Variants in SLC35D1 observed in about 807,000 individuals in gnomAD.
The protein encoded by SLC35D1 is solute carrier family 35 member D1, also known as nucleotide sugar transporter SLC35D1.
SLC35D1 carries 31 observed loss-of-function variants against 46.7 expected under a neutral mutation model. That is an observed-to-expected ratio of 0.66 (90% CI 0.50 to 0.90). The LOEUF (loss-of-function observed/expected upper bound fraction) is 0.90. Ranked by LOEUF, SLC35D1 falls within the 40% of genes least tolerant of loss-of-function variation. SLC35D1 has a pLI of 0.00. For missense variants in SLC35D1, 397 were observed against 426.2 expected, an observed-to-expected ratio of 0.93 and a Z score of 0.60; for synonymous variants, 195 against 164.6, an observed-to-expected ratio of 1.18 and a Z score of -1.41.
chr1:67,017,906 T>G (rs575006832), intron 10 of SLC35D1, among the ~76,000 whole-genome samples: 77 of 152,324 alleles, frequency 5.1e-4, no homozygotes, highest in African/African-American at 1.8e-3. Flanking sequence ...TTTCACTTCT[T>G]TGTCTATCTC....
At chr1:67,045,275 G>C (rs72673788) in intron 7 of SLC35D1, among the ~76,000 whole-genome samples, 14,717 of 152,158 alleles carry the variant, frequency 0.097, 756 homozygotes, top group African/African-American at 0.12. Context: ...ACTAGATTTA[G>C]GGCATCATCA....
intron 8 of SLC35D1, among the ~76,000 whole-genome samples, 198 bp from the exon 9 acceptor site, chr1:67,021,800 T>C (rs967084695): frequency 6.6e-6 from 1 of 151,872 alleles, no homozygotes; most frequent in African/African-American, 2.4e-5. Flanking sequence ...TAGAGAGTGA[T>C]GTTCAAAGAT....
At chr1:67,007,172 T>C (rs1667467468) in intron 11 of SLC35D1, among the ~76,000 whole-genome samples, 2 of 152,180 alleles carry the variant, frequency 1.3e-5, no homozygotes, top group Admixed American at 1.3e-4. Context: ...TCTTACTCCA[T>C]TTGGGTTGCT....
At chr1:66,988,156 C>T in the SLC35D1 span, 2 of 152,068 alleles carry the variant, frequency 1.3e-5, no homozygotes, top group African/African-American at 2.4e-5. Context: ...AAGGTTTTCC[C>T]AACTATAATC....
intron 10 of SLC35D1, among the ~76,000 whole-genome samples, chr1:67,016,128 G>A (rs1185554508): frequency 2.0e-5 from 3 of 151,908 alleles, no homozygotes; most frequent in Non-Finnish European, 2.9e-5. Context: ...ATATAAATGT[G>A]TTATTAATAT....
chr1:67,021,871 T>A (rs550915539), intron 8 of SLC35D1, among the ~76,000 whole-genome samples: 102 of 152,268 alleles, frequency 6.7e-4, no homozygotes, highest in African/African-American at 2.4e-3. Flanking sequence ...ATCCAAAATG[T>A]AACGTGGGGA....
intron 5 of SLC35D1, 83 bp from the exon 6 acceptor site, chr1:67,049,933 T>C: frequency 1.1e-6 from 1 of 946,024 alleles, no homozygotes; most frequent in Non-Finnish European, 1.7e-6. Context: ...TGGGATATGC[T>C]TTCTCAAAAG....
In SLC35D1 at chr1:67,047,318, C is replaced by T. The variant is rs750542739; in HGVS notation, c.583G>A (p.Asp195Asn). The change falls in exon 7 of 12, where the codon GAT becomes AAT. Residue 195 changes from aspartate to asparagine, a missense_variant. Coordinates refer to ENST00000235345, the MANE Select transcript of SLC35D1 (RefSeq NM_015139.3). ...LEGYAFILIN[D>N]VLTAANGAYV... ...GCACCATTTGCTGCTGTTAGGACAT[C>T]GTTTATCAGAATAAAAGCATATCCT... 2.5e-6 allele frequency: 4 copies of T among 1,613,374 alleles called. No homozygotes were observed. The highest frequency in any genetic ancestry group is 2.2e-5 in the East Asian group (1 of 44,822).
intron 8 of SLC35D1, among the ~76,000 whole-genome samples, chr1:67,036,501 C>T (rs1309833474): frequency 1.3e-5 from 2 of 152,038 alleles, no homozygotes; most frequent in Non-Finnish European, 2.9e-5. Context: ...TATCCTCTTG[C>T]TCAATTTACC....
the SLC35D1 span, among the ~76,000 whole-genome samples, chr1:66,975,898 G>A: frequency 1.3e-5 from 2 of 152,106 alleles, no homozygotes; most frequent in South Asian, 2.1e-4. Context: ...TTAAAGATAC[G>A]CTCCCTAGGT....
intron 10 of SLC35D1, among the ~76,000 whole-genome samples, chr1:67,019,634 ATGGCC>A (rs775057879): frequency 1.9e-4 from 29 of 152,222 alleles, no homozygotes; most frequent in Non-Finnish European, 2.8e-4. Context: ...CACAAGGGTA[ATGGCC>A]CTCTTTTCCC....
chr1:66,980,136 C>T, the SLC35D1 span, among the ~76,000 whole-genome samples: 1 of 152,348 alleles, frequency 6.6e-6, no homozygotes, highest in South Asian at 2.1e-4. Flanking sequence ...AATTCCTCAT[C>T]ATGTGTCTTC....
At chr1:66,973,320 C>A in the SLC35D1 span, among the ~76,000 whole-genome samples, 1 of 151,884 alleles carries the variant, frequency 6.6e-6, no homozygotes, top group Non-Finnish European at 1.5e-5. Flanking sequence ...TTATGGAGGG[C>A]CTTTGAAATG....
chr1:67,044,626 G>A (rs1329482540), intron 7 of SLC35D1, among the ~76,000 whole-genome samples: 1 of 152,130 alleles, frequency 6.6e-6, no homozygotes, highest in African/African-American at 2.4e-5. Context: ...GGAGATTTAT[G>A]TTTTCTTCCT....
At chr1:67,044,986 TCAC>T (rs1320231885) in intron 7 of SLC35D1, among the ~76,000 whole-genome samples, 2 of 151,940 alleles carry the variant, frequency 1.3e-5, no homozygotes, top group African/African-American at 4.8e-5. Context: ...TTGCTTATGG[TCAC>T]CACAAGCATC....
intron 8 of SLC35D1, among the ~76,000 whole-genome samples, chr1:67,039,312 T>C (rs1022975147): frequency 6.6e-6 from 1 of 152,196 alleles, no homozygotes; most frequent in Non-Finnish European, 1.5e-5. Flanking sequence ...TCCTTATTGT[T>C]CCTTTGATAT....
chr1:66,980,025 A>G, the SLC35D1 span, among the ~76,000 whole-genome samples: 2 of 152,200 alleles, frequency 1.3e-5, no homozygotes, highest in South Asian at 4.2e-4. Context: ...CGGCCTCCCA[A>G]AGTGCTGGGA....
the SLC35D1 span, chr1:66,988,330 C>G: frequency 6.6e-6 from 1 of 152,182 alleles, no homozygotes; most frequent in Admixed American, 6.6e-5. Context: ...AAAATTAACT[C>G]TCTTCTTTAA....
At chr1:67,031,075 T>C (rs1171498659) in intron 8 of SLC35D1, among the ~76,000 whole-genome samples, 1 of 152,214 alleles carries the variant, frequency 6.6e-6, no homozygotes, top group Non-Finnish European at 1.5e-5. Flanking sequence ...CCCAAATATA[T>C]ACTGCACAGT....
Sources: gnomAD v4.1 joint callset for allele counts (sites outside exome capture counted in the v4.1 genomes callset) on GRCh38, gnomAD v4.1.1 for gene constraint, MANE v1.5 for transcripts, NCBI Gene and HGNC (gene_info 2026-07-23, HGNC 2026-07-21) for gene names.